Variants in PMFBP1 observed in about 807,000 individuals in gnomAD.
PMFBP1 encodes polyamine-modulated factor 1-binding protein 1.
In PMFBP1, 131 loss-of-function variants were observed where a neutral mutation model predicts 137.8. That is an observed-to-expected ratio of 0.95 (90% CI 0.82 to 1.10). PMFBP1 has a LOEUF of 1.10. Ranked by LOEUF, PMFBP1 falls within the 50% of genes least tolerant of loss-of-function variation. The pLI, the probability that PMFBP1 is intolerant of heterozygous loss-of-function variation, is 0.00. For synonymous variants in PMFBP1, 490 were observed against 450.4 expected (o/e 1.09, Z -1.11); for missense variants, 1,199 against 1,175.4 (o/e 1.02, Z -0.29).
At chr16:72,205,302 C>T in the PMFBP1 span, among the ~76,000 whole-genome samples, 15 of 152,268 alleles carry the variant, frequency 9.9e-5, no homozygotes, top group Non-Finnish European at 1.8e-4. Context: ...AGAGGCAGCA[C>T]GTCGCTAGAA....
the PMFBP1 span, among the ~76,000 whole-genome samples, chr16:72,238,432 G>A: frequency 2.0e-5 from 3 of 152,136 alleles, no homozygotes; most frequent in African/African-American, 4.8e-5. Context: ...GTAATTGTTG[G>A]CTGCATGTAT....
chr16:72,132,094 C>T (rs548860880), intron 10 of PMFBP1, among the ~76,000 whole-genome samples: 168 of 152,330 alleles, frequency 1.1e-3, no homozygotes, highest in African/African-American at 3.8e-3. Flanking sequence ...ATCCGCCCAC[C>T]TTGGCCTCCA....
At chr16:72,222,297 T>G in the PMFBP1 span, among the ~76,000 whole-genome samples, 1 of 152,198 alleles carries the variant, frequency 6.6e-6, no homozygotes, top group Non-Finnish European at 1.5e-5. Flanking sequence ...AAACCTAAGA[T>G]CAGTGCAGCC....
chr16:72,218,995 T>G, the PMFBP1 span, among the ~76,000 whole-genome samples: 1 of 152,204 alleles, frequency 6.6e-6, no homozygotes, highest in South Asian at 2.1e-4. Flanking sequence ...AAAAAATTAA[T>G]TAAGTAATTA....
chr16:72,124,732 T>C (rs747156703), intron 17 of PMFBP1, 35 bp downstream of exon 17: 12 of 1,601,928 alleles, frequency 7.5e-6, no homozygotes, highest in Non-Finnish European at 1.0e-5. Context: ...CTGGAGGCAC[T>C]GAGAGGAGGC....
the PMFBP1 span, among the ~76,000 whole-genome samples, chr16:72,186,844 G>T: frequency 8.5e-4 from 130 of 152,118 alleles, 1 homozygote; most frequent in East Asian, 0.018. Context: ...TGGGCGAGGT[G>T]GCTCACATCT....
At chr16:72,163,935 G>A (rs1278227975) in intron 3 of PMFBP1, among the ~76,000 whole-genome samples, 3 of 151,750 alleles carry the variant, frequency 2.0e-5, no homozygotes, top group Admixed American at 6.6e-5. Flanking sequence ...GGGTGGGGGG[G>A]GTGAGGGATA....
intron 12 of PMFBP1, 130 bp downstream of exon 12, chr16:72,130,083 G>T: frequency 8.1e-7 from 1 of 1,230,282 alleles, no homozygotes; most frequent in Non-Finnish European, 1.1e-6. Context: ...TGGAACCCCT[G>T]GGCTCAAGTG....
the PMFBP1 span, among the ~76,000 whole-genome samples, chr16:72,181,949 C>T: frequency 5.9e-5 from 9 of 152,128 alleles, no homozygotes; most frequent in South Asian, 2.1e-4. Flanking sequence ...AATACACTAA[C>T]GATAGCTGAT....
the PMFBP1 span, among the ~76,000 whole-genome samples, chr16:72,225,752 A>AT: frequency 6.7e-6 from 1 of 148,636 alleles, no homozygotes; most frequent in Middle Eastern, 3.6e-3. Flanking sequence ...AATAATAATA[A>AT]AGCCTCACAA....
upstream of PMFBP1, among the ~76,000 whole-genome samples, chr16:72,180,825 C>T (rs1357979620): frequency 6.6e-6 from 1 of 152,214 alleles, no homozygotes; most frequent in East Asian, 1.9e-4. Context: ...AGGGAGGAAA[C>T]CCCAGTGCTC....
chr16:72,188,536 AT>A, the PMFBP1 span, among the ~76,000 whole-genome samples: 1 of 152,166 alleles, frequency 6.6e-6, no homozygotes, highest in Non-Finnish European at 1.5e-5. Flanking sequence ...GTTTTATTGG[AT>A]TTTTCATGCT....
chr16:72,129,038 C>G, intron 13 of PMFBP1, 28 bp downstream of exon 13: 1 of 1,608,710 alleles, frequency 6.2e-7, no homozygotes, highest in Non-Finnish European at 8.5e-7. Flanking sequence ...GATTCCTGAC[C>G]CAGCTCTCCT....
intron 16 of PMFBP1, 126 bp from the exon 17 acceptor site, chr16:72,125,060 A>G: frequency 7.2e-7 from 1 of 1,381,882 alleles, no homozygotes; most frequent in Non-Finnish European, 9.9e-7. Context: ...CTCAGTGGCC[A>G]GCAGAGGGCA....
intron 20 of PMFBP1, 117 bp from the exon 21 acceptor site, chr16:72,119,471 G>A (rs1249426731): frequency 6.3e-7 from 1 of 1,588,438 alleles, no homozygotes; most frequent in Non-Finnish European, 8.6e-7. Context: ...CTTGCCTCTG[G>A]GGTAACATGG....
At chr16:72,244,775 AT>A in the PMFBP1 span, among the ~76,000 whole-genome samples, 2 of 152,268 alleles carry the variant, frequency 1.3e-5, no homozygotes, top group Non-Finnish European at 2.9e-5. Flanking sequence ...GCTAAATTTT[AT>A]TTCTTCCAGT....
chr16:72,123,751 T>C, intron 17 of PMFBP1, 102 bp from the exon 18 acceptor site: 1 of 1,057,162 alleles, frequency 9.5e-7, no homozygotes. Context: ...AAAAGAAAAC[T>C]TGACTCTGCT....
chr16:72,236,059 C>T, the PMFBP1 span, among the ~76,000 whole-genome samples: 1 of 152,100 alleles, frequency 6.6e-6, no homozygotes, highest in Non-Finnish European at 1.5e-5. Context: ...GATGTTTTCT[C>T]TTGTTCCTGA....
the PMFBP1 span, among the ~76,000 whole-genome samples, chr16:72,193,906 T>G: frequency 1.3e-5 from 2 of 151,696 alleles, no homozygotes; most frequent in African/African-American, 4.8e-5. Flanking sequence ...TTAATATTTC[T>G]AGTTCCATTT....
Sources: gnomAD v4.1 joint callset for allele counts (sites outside exome capture counted in the v4.1 genomes callset) on GRCh38, gnomAD v4.1.1 for gene constraint, MANE v1.5 for transcripts, NCBI Gene and HGNC (gene_info 2026-07-23, HGNC 2026-07-21) for gene names.